PARP9: variants seen among roughly 807,000 people sequenced by gnomAD.
PARP9 encodes the protein protein mono-ADP-ribosyltransferase PARP9.
In PARP9, 48 loss-of-function variants were observed where a neutral mutation model predicts 68.8. That is an observed-to-expected ratio of 0.70 (90% CI 0.55 to 0.89). The LOEUF (loss-of-function observed/expected upper bound fraction) is 0.89, where lower values mean the gene tolerates loss of function less well. PARP9 is among the 40% of genes least tolerant of loss of function. PARP9 has a pLI of 0.00. For synonymous variants in PARP9, 309 were observed against 333.8 expected, an observed-to-expected ratio of 0.93 and a Z score of 0.81; for missense variants, 806 against 969.3, an observed-to-expected ratio of 0.83 and a Z score of 2.24.
intron 10 of PARP9, chr3:122,531,625 G>A (rs1386086084): frequency 6.6e-6 from 1 of 152,050 alleles, no homozygotes; most frequent in Non-Finnish European, 1.5e-5. Context: ...CTATATGTTT[G>A]TGTTTACAAG....
intron 10 of PARP9, among the ~76,000 whole-genome samples, chr3:122,529,904 A>G: frequency 6.6e-6 from 1 of 152,076 alleles, no homozygotes; most frequent in African/African-American, 2.4e-5. Context: ...CAAGAAAAAT[A>G]TGTCATCTGG....
intron 10 of PARP9, chr3:122,534,877 GA>G: frequency 1.1e-6 from 1 of 938,292 alleles, no homozygotes. Context: ...CTCCGTCTCA[GA>G]AAAATAAATA....
intron 10 of PARP9, chr3:122,533,021 GTGA>G (rs2077412417): frequency 6.6e-6 from 1 of 152,190 alleles, no homozygotes; most frequent in Non-Finnish European, 1.5e-5. Context: ...AATTTTTAGC[GTGA>G]TAATTCTGGT....
intron 6 of PARP9, among the ~76,000 whole-genome samples, chr3:122,547,351 T>G (rs1006112036): frequency 6.6e-6 from 1 of 151,816 alleles, no homozygotes; most frequent in Non-Finnish European, 1.5e-5. Context: ...CAGCTCAGCC[T>G]CCCAAAGGGC....
At chr3:122,542,774 G>A (rs539030637) in intron 7 of PARP9, among the ~76,000 whole-genome samples, 59 of 152,138 alleles carry the variant, frequency 3.9e-4, no homozygotes, top group Non-Finnish European at 6.6e-4. Context: ...CACTGCACCC[G>A]GCCAATAATT....
intron 7 of PARP9, among the ~76,000 whole-genome samples, chr3:122,541,863 A>T (rs2078255951): frequency 6.6e-6 from 1 of 152,204 alleles, no homozygotes; most frequent in South Asian, 2.1e-4. Flanking sequence ...CCTCCCAGTG[A>T]GTAATATCTG....
Position 122,545,457 on chromosome 3 carries a change from C to G in PARP9, c.1359G>C (p.Lys453Asn), listed in dbSNP as rs1445003087. The G allele has an allele frequency of 7.4e-6, 12 of 1,614,122 alleles. No homozygotes were observed. Among genetic ancestry groups the G allele is most frequent in the Non-Finnish European group, 1.0e-5 (12 of 1,180,050 alleles). Residue 453 changes from lysine (K) to asparagine (N), a missense_variant, in exon 7 of 11, where the codon AAG (lysine) becomes AAC (asparagine). This residue lies in a region of PARP9 where 680 missense variants were observed against 858.8 expected (regional missense o/e 0.79). Coordinates refer to ENST00000682323, the MANE Select transcript of PARP9 (RefSeq NM_001146105.2). The stretch of plus-strand genomic sequence containing the variant: ...CACTGTAATTGTTCAAACTCAGCAT[C>G]TTGGACCTCTTTGCCATTTCAGAAC... ...AFSSEMAKRS[K>N]MLSLNNYSVP... is the part of the protein sequence containing the mutation.
chr3:122,533,902 A>G, intron 10 of PARP9: 1 of 985,496 alleles, frequency 1.0e-6, no homozygotes, highest in Non-Finnish European at 1.2e-6. Context: ...GCACGGCTGA[A>G]AAAGCTAAGA....
At chr3:122,540,166 A>G (rs1000333995) in intron 8 of PARP9, among the ~76,000 whole-genome samples, 2 of 152,240 alleles carry the variant, frequency 1.3e-5, no homozygotes, top group Non-Finnish European at 2.9e-5. Context: ...TTAGAAATGT[A>G]TACTTTTCCC....
chr3:122,540,758 A>C lies in PARP9; in HGVS notation c.1479T>G (p.Tyr493Ter). The C allele has an allele frequency of 6.2e-7, 1 of 1,614,172 alleles. No homozygotes were observed. Among genetic ancestry groups the C allele is most frequent in the Non-Finnish European group, 8.5e-7 (1 of 1,180,018 alleles). Residue 493 changes from tyrosine to a stop codon, truncating the protein, a stop_gained, in exon 8 of 11, where the codon TAT becomes TAG. Coordinates refer to ENST00000682323, the MANE Select transcript of PARP9 (RefSeq NM_001146105.2). LOFTEE classifies it high-confidence loss of function. ...TTCTTTGGATCCATGCGTGGGCCTC[A>C]TACATCTCTTCCACGTTGAATCCCA... ...NLMGFNVEEM[Y>*]EAHAWIQRIL...
intron 3 of PARP9, 52 bp from the exon 4 acceptor site, chr3:122,556,173 A>G: frequency 1.7e-6 from 2 of 1,160,264 alleles, no homozygotes; most frequent in South Asian, 3.4e-5. Flanking sequence ...AAAAAAAAAA[A>G]GCACAGTTTG....
At position 122,535,113 on chromosome 3, in the gene PARP9, T is replaced by C. The variant is rs1322234019; in HGVS notation, c.2080+1055A>G. 8 of 983,806 alleles carry C rather than the reference T, an allele frequency of 8.1e-6. No homozygotes were observed. In the African/African-American group the frequency reaches 1.0e-4, roughly 13 times the overall value. The allele number at this position is 983,806 out of a possible 1,614,324, so 60.9% of individuals were successfully genotyped here. Reference sequence around the variant, plus strand: ...AGCGATGATCTTAATGAAAGTAATTTAAGTAGAAGTAGTGGGTGGGGATTG... The same window carrying C: ...AGCGATGATCTTAATGAAAGTAATTCAAGTAGAAGTAGTGGGTGGGGATTG... On this transcript the variant is annotated intron_variant, in intron 10 of 10. Transcript: ENST00000682323.
At chr3:122,530,456 G>A (rs2077230972) in intron 10 of PARP9, among the ~76,000 whole-genome samples, 1 of 152,020 alleles carries the variant, frequency 6.6e-6, no homozygotes, top group South Asian at 2.1e-4. Flanking sequence ...AGGAAGATAT[G>A]CCCTATTCCC....
At chr3:122,554,309 C>T (rs935685870) in intron 4 of PARP9, among the ~76,000 whole-genome samples, 5 of 152,086 alleles carry the variant, frequency 3.3e-5, no homozygotes, top group African/African-American at 1.2e-4. Flanking sequence ...CACTATACTC[C>T]ACTCTTGTCA....
At chr3:122,536,588 T>TA in intron 9 of PARP9, 1 of 647,428 alleles carries the variant, frequency 1.5e-6, no homozygotes, top group South Asian at 2.3e-5. Flanking sequence ...GACCTAGACA[T>TA]AGTCTCTGCC....
intron 2 of PARP9, 90 bp from the exon 3 acceptor site, chr3:122,558,557 A>G: frequency 6.8e-7 from 1 of 1,474,380 alleles, no homozygotes; most frequent in South Asian, 1.2e-5. Flanking sequence ...AACACAATGC[A>G]ATGGAAATCC....
chr3:122,563,228 T>C (rs1403841204), intron 1 of PARP9, among the ~76,000 whole-genome samples: 1 of 152,164 alleles, frequency 6.6e-6, no homozygotes, highest in Non-Finnish European at 1.5e-5. Flanking sequence ...TCTTCAAGGC[T>C]TTTCACCATC....
chr3:122,563,831 G>C (rs1448125749), intron 1 of PARP9, among the ~76,000 whole-genome samples: 1 of 152,064 alleles, frequency 6.6e-6, no homozygotes, highest in Non-Finnish European at 1.5e-5. Flanking sequence ...ACCAGCCCTT[G>C]ACATCAGGGC....
chr3:122,562,698 C>T (rs2080344489), intron 1 of PARP9, among the ~76,000 whole-genome samples: 1 of 152,166 alleles, frequency 6.6e-6, no homozygotes, highest in African/African-American at 2.4e-5. Flanking sequence ...AGCTTATACA[C>T]ACACTTCTGC....
Sources: allele counts gnomAD v4.1 joint callset (sites outside exome capture counted in the v4.1 genomes callset), GRCh38; gene constraint gnomAD v4.1.1; regional missense constraint gnomAD v4.1.1; transcripts MANE v1.5; gene names NCBI Gene and HGNC (gene_info 2026-07-23, HGNC 2026-07-21).